Variants in MYZAP observed in about 807,000 individuals in gnomAD.
The protein encoded by MYZAP is GRINL1A complex locus upstream.
Under a neutral mutation model 69.4 loss-of-function variants are expected in MYZAP, and 66 were observed. The observed-to-expected ratio is 0.95, with a 90% CI of 0.78 to 1.17. The LOEUF is 1.17. Ranked by LOEUF, MYZAP falls within the 50% of genes most tolerant of loss-of-function variation. MYZAP has a pLI of 0.00. For missense variants in MYZAP, 611 were observed against 556.2 expected, an observed-to-expected ratio of 1.10 and a Z score of -0.99; for synonymous variants, 256 against 205.9, an observed-to-expected ratio of 1.24 and a Z score of -2.09.
At chr15:57,645,804 T>C (rs1595905204) in intron 10 of MYZAP, among the ~76,000 whole-genome samples, 3 of 152,328 alleles carry the variant, frequency 2.0e-5, no homozygotes, top group Admixed American at 2.0e-4. Flanking sequence ...ACTTCTCTCT[T>C]CTCTTTTGTG....
intron 8 of MYZAP, among the ~76,000 whole-genome samples, chr15:57,634,171 G>A (rs911809432): frequency 6.6e-6 from 1 of 152,108 alleles, no homozygotes; most frequent in Non-Finnish European, 1.5e-5. Context: ...TCTAGGTGTT[G>A]TAAGCAGGCT....
intron 5 of MYZAP, 27 bp downstream of exon 5, chr15:57,625,919 G>A: frequency 1.2e-6 from 2 of 1,601,028 alleles, no homozygotes; most frequent in Non-Finnish European, 1.7e-6. Flanking sequence ...TGCTATGACA[G>A]GGCAACCCAG....
At chr15:57,654,380 T>G (rs1299148143) in intron 10 of MYZAP, among the ~76,000 whole-genome samples, 3 of 152,100 alleles carry the variant, frequency 2.0e-5, no homozygotes, top group Non-Finnish European at 4.4e-5. Context: ...GGGAGTTGAT[T>G]CTACACATGA....
intron 3 of MYZAP, among the ~76,000 whole-genome samples, chr15:57,621,373 C>G (rs1327337645): frequency 6.6e-6 from 1 of 151,740 alleles, no homozygotes; most frequent in African/African-American, 2.4e-5. Flanking sequence ...ACCACACCCC[C>G]CAACTAATTT....
intron 3 of MYZAP, among the ~76,000 whole-genome samples, chr15:57,620,691 T>C (rs1349212868): frequency 6.6e-6 from 1 of 152,214 alleles, no homozygotes; most frequent in African/African-American, 2.4e-5. Flanking sequence ...ATTTATGGGC[T>C]CCCCAGGGTT....
intron 3 of MYZAP, among the ~76,000 whole-genome samples, chr15:57,619,672 A>G (rs1218750090): frequency 1.3e-5 from 2 of 152,212 alleles, no homozygotes; most frequent in African/African-American, 4.8e-5. Flanking sequence ...ATTTTTAACC[A>G]TTCAGAATAT....
At chr15:57,614,506 C>G (rs1363346382) in intron 2 of MYZAP, among the ~76,000 whole-genome samples, 1 of 152,192 alleles carries the variant, frequency 6.6e-6, no homozygotes, top group Non-Finnish European at 1.5e-5. Flanking sequence ...AGTGACATTT[C>G]AGCCCAGCAG....
chr15:57,643,892 A>C (rs1185926520), intron 10 of MYZAP, among the ~76,000 whole-genome samples: 1 of 152,028 alleles, frequency 6.6e-6, no homozygotes, highest in African/African-American at 2.4e-5. Flanking sequence ...TTTGCAGAGG[A>C]GGCATTTTCT....
At chr15:57,593,188 GCACACACACA>G (rs199705290) in intron 1 of MYZAP, among the ~76,000 whole-genome samples, 10 of 114,202 alleles carry the variant, frequency 8.8e-5, no homozygotes, top group Non-Finnish European at 1.7e-4. Context: ...GTACACAGGC[GCACACACACA>G]CACACACACA....
chr15:57,653,946 C>T (rs1385423294), intron 10 of MYZAP, among the ~76,000 whole-genome samples: 2 of 126,322 alleles, frequency 1.6e-5, no homozygotes, highest in Non-Finnish European at 3.1e-5. Context: ...TTGAGGCTGC[C>T]GTGAGCTATG....
At chr15:57,606,644 G>A (rs1328466945) in intron 2 of MYZAP, among the ~76,000 whole-genome samples, 1 of 151,638 alleles carries the variant, frequency 6.6e-6, no homozygotes, top group African/African-American at 2.4e-5. Context: ...CGAATTAATG[G>A]GTGCAGCGCA....
intron 9 of MYZAP, among the ~76,000 whole-genome samples, 183 bp downstream of exon 9, chr15:57,637,957 C>T (rs2036912611): frequency 6.6e-6 from 1 of 152,202 alleles, no homozygotes; most frequent in Admixed American, 6.5e-5. Flanking sequence ...CCTCCAGCCA[C>T]ATCCTGCAGA....
chr15:57,647,972 C>CT lies in MYZAP; in HGVS notation c.1119+8429dup, dbSNP rs1201148352. 4.1e-6 allele frequency: 4 copies of CT among 985,412 alleles called. No homozygotes were observed. The African/African-American group carries it at 7.0e-5, about 17-fold the overall frequency. 61.0% of individuals were successfully genotyped at this position (985,412 alleles called of 1,614,324 possible). ...TTCCTCCCTTAACTGGATCCTTAGC[C>CT]TTGGACTCCAAGGCTACAGCTCTGT... On this transcript the variant is annotated intron_variant, in intron 10 of 12. Coordinates refer to ENST00000267853, the MANE Select transcript of MYZAP (RefSeq NM_001018100.5).
chr15:57,647,854 C>T, intron 10 of MYZAP: 1 of 985,422 alleles, frequency 1.0e-6, no homozygotes, highest in Non-Finnish European at 1.2e-6. Flanking sequence ...CTCAATTCAC[C>T]TCTTTCCTGC....
intron 11 of MYZAP, among the ~76,000 whole-genome samples, chr15:57,671,982 G>A (rs1217373687): frequency 6.6e-6 from 1 of 152,128 alleles, no homozygotes; most frequent in African/African-American, 2.4e-5. Context: ...TTGGGTTCTT[G>A]TTTTAAAAGG....
chr15:57,604,360 G>C lies in MYZAP; in HGVS notation c.162+5G>C. 3 of 1,614,124 alleles carry C rather than the reference G, an allele frequency of 1.9e-6. No individual in the cohort carries two copies. The highest frequency in any genetic ancestry group is 2.5e-6 in the Non-Finnish European group (3 of 1,180,014). On this transcript the variant is annotated splice_donor_5th_base_variant and intron_variant, in intron 2 of 12. Transcript: ENST00000267853. ...AAGATTGAGAGAAAAGAGCAGGTAA[G>C]GTATCTCCGAGGCAAAGCCCCAACA...
At chr15:57,629,570 C>T in intron 5 of MYZAP, 132 bp from the exon 6 acceptor site, 1 of 1,259,994 alleles carries the variant, frequency 7.9e-7, no homozygotes, top group Non-Finnish European at 1.1e-6. Context: ...CACAGGGTCC[C>T]AGACTGGCAG....
intron 10 of MYZAP, among the ~76,000 whole-genome samples, chr15:57,656,899 T>G (rs187065925): frequency 1.3e-5 from 2 of 152,316 alleles, no homozygotes; most frequent in Admixed American, 1.3e-4. Flanking sequence ...TGTTAGAAGC[T>G]GCCGCACCCT....
intron 12 of MYZAP, among the ~76,000 whole-genome samples, chr15:57,682,757 A>G (rs1314959465): frequency 6.6e-6 from 1 of 152,088 alleles, no homozygotes; most frequent in African/African-American, 2.4e-5. Context: ...GTTCCAAAGG[A>G]GCACATGGTT....
Sources: gnomAD v4.1 joint callset for allele counts (sites outside exome capture counted in the v4.1 genomes callset) on GRCh38, gnomAD v4.1.1 for gene constraint, MANE v1.5 for transcripts, NCBI Gene and HGNC (gene_info 2026-07-23, HGNC 2026-07-21) for gene names.